Variants in TOX observed in about 807,000 individuals in gnomAD.
TOX encodes thymocyte selection associated high mobility group box, also known as thymocyte selection-associated high mobility group box protein TOX.
Under a neutral mutation model 53.7 loss-of-function variants are expected in TOX, and 11 were observed. The ratio of observed to expected loss-of-function variants is 0.20; its 90% CI spans 0.13 to 0.34. The LOEUF is 0.34. Ranked by LOEUF, TOX falls within the 10% of genes least tolerant of loss-of-function variation. The pLI is 1.00. For missense variants in TOX, 570 were observed against 664.6 expected (o/e 0.86, Z 1.56); for synonymous variants, 225 against 245.3 (o/e 0.92, Z 0.77).
In TOX at chr8:58,825,573, C is replaced by T. The variant is rs763751989; in HGVS notation, c.1005+1249G>A. On this transcript the variant is annotated intron_variant, in intron 6 of 8. Coordinates refer to ENST00000361421, the MANE Select transcript of TOX (RefSeq NM_014729.3). ...GATTGAGACTTCATGTATTGATTTG[C>T]TCCTGTGTAAAGTGCTCTGACTAAA... Among the ~76,000 whole-genome samples the T allele has an allele frequency of 8.2e-4, 125 of 152,138 alleles. 1 individual carries two copies. The highest frequency in any genetic ancestry group is 2.4e-3 in the Admixed American group (36 of 15,262).
At chr8:58,960,042 C>T in intron 1 of TOX, 34 bp from the exon 2 acceptor site, 1 of 1,609,054 alleles carries the variant, frequency 6.2e-7, no homozygotes, top group South Asian at 1.1e-5. Flanking sequence ...ATTCAGCAAT[C>T]TTGACTGCGG....
At chr8:58,999,511 G>A (rs1479550821) in intron 1 of TOX, among the ~76,000 whole-genome samples, 1 of 152,172 alleles carries the variant, frequency 6.6e-6, no homozygotes, top group African/African-American at 2.4e-5. Flanking sequence ...CCTGAAACGA[G>A]GTGGGAGGTG....
chr8:58,952,642 C>T (rs1324810345), intron 2 of TOX, among the ~76,000 whole-genome samples: 1 of 152,302 alleles, frequency 6.6e-6, no homozygotes, highest in East Asian at 1.9e-4. Context: ...ATTGAATAAA[C>T]CATGCTCCAT....
intron 2 of TOX, among the ~76,000 whole-genome samples, chr8:58,953,549 G>A (rs1812659685): frequency 6.6e-6 from 1 of 152,138 alleles, no homozygotes; most frequent in South Asian, 2.1e-4. Context: ...TTGTATGCAA[G>A]GCAACAAGAG....
chr8:58,823,046 A>C (rs1372168261), intron 6 of TOX, among the ~76,000 whole-genome samples: 1 of 152,218 alleles, frequency 6.6e-6, no homozygotes, highest in African/African-American at 2.4e-5. Flanking sequence ...TTTTGTTACT[A>C]TTGGAAACAA....
intron 1 of TOX, among the ~76,000 whole-genome samples, chr8:58,971,562 T>TTTGACTGTTTCCATCATTAA (rs1257750489): frequency 7.9e-5 from 12 of 152,246 alleles, no homozygotes; most frequent in African/African-American, 2.9e-4. Flanking sequence ...GGCAAGTTTA[T>TTTGACTGTTTCCATCATTAA]TTGACTGTTT....
At position 58,954,594 on chromosome 8, in the gene TOX, A is replaced by G. The variant is rs114195759; in HGVS notation, c.168+5349T>C. On this transcript the variant is annotated intron_variant, in intron 2 of 8. Coordinates refer to ENST00000361421, the MANE Select transcript of TOX (RefSeq NM_014729.3). Reference sequence around the variant, plus strand: ...ACACCATGATAAAGCAGCCTTGTAGACAATGGTGAGGCAGCAAAGATGAGG... The same window carrying G: ...ACACCATGATAAAGCAGCCTTGTAGGCAATGGTGAGGCAGCAAAGATGAGG... Among the ~76,000 whole-genome samples, 1,279 of 152,340 alleles carry G rather than the reference A, an allele frequency of 8.4e-3. 10 individuals carry two copies. Among genetic ancestry groups the G allele is most frequent in the African/African-American group, 0.029 (1,212 of 41,570 alleles).
At chr8:58,942,170 A>G (rs931788509) in intron 2 of TOX, among the ~76,000 whole-genome samples, 1 of 152,196 alleles carries the variant, frequency 6.6e-6, no homozygotes, top group African/African-American at 2.4e-5. Context: ...AATCTCTGAA[A>G]ATACTAAGGG....
At chr8:58,817,666 T>C (rs960314428) in intron 6 of TOX, among the ~76,000 whole-genome samples, 5 of 152,222 alleles carry the variant, frequency 3.3e-5, no homozygotes, top group African/African-American at 1.2e-4. Flanking sequence ...TTTTAGCCTA[T>C]TGCAGAAGGG....
chr8:59,107,732 GCA>G (rs1804939487), intron 1 of TOX, among the ~76,000 whole-genome samples: 1 of 152,100 alleles, frequency 6.6e-6, no homozygotes, highest in Non-Finnish European at 1.5e-5. Flanking sequence ...GGCCTTTAGG[GCA>G]CAGTGCGATA....
chr8:59,025,622 A>T (rs1814220953), intron 1 of TOX, among the ~76,000 whole-genome samples: 1 of 152,130 alleles, frequency 6.6e-6, no homozygotes, highest in Admixed American at 6.6e-5. Context: ...ACATCCAGTG[A>T]TCTTCCCACC....
chr8:58,848,357 A>G (rs1054806840), intron 4 of TOX, among the ~76,000 whole-genome samples: 1 of 151,844 alleles, frequency 6.6e-6, no homozygotes, highest in Non-Finnish European at 1.5e-5. Context: ...AACAGAAAGT[A>G]ACATACTTAG....
chr8:59,086,807 C>T (rs1228910803), intron 1 of TOX, among the ~76,000 whole-genome samples: 2 of 152,176 alleles, frequency 1.3e-5, no homozygotes, highest in Non-Finnish European at 2.9e-5. Context: ...CCTTAAGGCA[C>T]TCTCTGATGG....
intron 1 of TOX, among the ~76,000 whole-genome samples, chr8:59,001,655 C>T (rs559260161): frequency 6.6e-6 from 1 of 152,180 alleles, no homozygotes; most frequent in African/African-American, 2.4e-5. Context: ...AGAATGCATT[C>T]GTGGAACAAA....
intron 1 of TOX, among the ~76,000 whole-genome samples, chr8:59,092,359 A>ATATTATATATACAT (rs1804638677): frequency 3.1e-5 from 4 of 127,838 alleles, no homozygotes; most frequent in African/African-American, 6.8e-5. Flanking sequence ...TATATATTAT[A>ATATTATATATACAT]TATATATAAT....
intron 1 of TOX, among the ~76,000 whole-genome samples, chr8:58,993,436 A>G (rs151217779): frequency 6.6e-6 from 1 of 152,212 alleles, no homozygotes; most frequent in Admixed American, 6.5e-5. Context: ...CTGTCAAGTA[A>G]GCACAGGCCG....
At chr8:59,094,853 C>T (rs558238945) in intron 1 of TOX, among the ~76,000 whole-genome samples, 1 of 152,232 alleles carries the variant, frequency 6.6e-6, no homozygotes, top group South Asian at 2.1e-4. Flanking sequence ...ATATTTTAGT[C>T]ACCTTTTATC....
intron 7 of TOX, among the ~76,000 whole-genome samples, chr8:58,811,784 TGAGCAGAA>T (rs1289585459): frequency 1.3e-5 from 2 of 152,114 alleles, no homozygotes; most frequent in East Asian, 3.8e-4. Flanking sequence ...GACAATCTCA[TGAGCAGAA>T]GAAAAGAAAG....
intron 1 of TOX, among the ~76,000 whole-genome samples, chr8:59,105,094 T>C (rs759881179): frequency 6.6e-6 from 1 of 152,232 alleles, no homozygotes; most frequent in Non-Finnish European, 1.5e-5. Context: ...CCCCAAAGCT[T>C]TTTAACAAGC....
Sources: gnomAD v4.1 joint callset for allele counts (sites outside exome capture counted in the v4.1 genomes callset) on GRCh38, gnomAD v4.1.1 for gene constraint, MANE v1.5 for transcripts, NCBI Gene and HGNC (gene_info 2026-07-23, HGNC 2026-07-21) for gene names.